KIRREL3: variants seen among roughly 807,000 people sequenced by gnomAD.
The protein encoded by KIRREL3 is kin of IRRE-like protein 3.
Under a neutral mutation model 89.7 loss-of-function variants are expected in KIRREL3, and 36 were observed. That is an observed-to-expected ratio of 0.40 (90% CI 0.31 to 0.53). The LOEUF (loss-of-function observed/expected upper bound fraction) is 0.53, where lower values mean the gene tolerates loss of function less well. Among genes scored for constraint, KIRREL3 ranks in the 20% least tolerant of loss-of-function variants. KIRREL3 has a pLI of 0.49. For synonymous variants in KIRREL3, 445 were observed against 441.4 expected, an observed-to-expected ratio of 1.01 and a Z score of -0.10; for missense variants, 864 against 1,056.6, an observed-to-expected ratio of 0.82 and a Z score of 2.53.
At chr11:126,671,868 T>G (rs927470910) in intron 1 of KIRREL3, among the ~76,000 whole-genome samples, 5 of 152,014 alleles carry the variant, frequency 3.3e-5, no homozygotes, top group African/African-American at 1.2e-4. Flanking sequence ...GTTTTGAGAG[T>G]TTCTTACCAT....
At position 126,750,315 on chromosome 11, in the gene KIRREL3, T is replaced by C. The variant is rs1470850890; in HGVS notation, c.56-187403A>G. On this transcript the variant is annotated intron_variant, in intron 1 of 16. Coordinates refer to ENST00000525144, the MANE Select transcript of KIRREL3 (RefSeq NM_032531.4). The surrounding 1 kb of genome is among the most constrained non-coding windows in gnomAD (Gnocchi z 4.2). The stretch of plus-strand genomic sequence containing the variant: ...TGAACACATTTCTGTTCCTTGAAGG[T>C]GGCATGAGGATGTTCTCAACTATGG... Among the ~76,000 whole-genome samples, 2 of 152,150 alleles carry C rather than the reference T, an allele frequency of 1.3e-5. No homozygotes were observed. The highest frequency in any genetic ancestry group is 6.5e-5 in the Admixed American group (1 of 15,270).
rs566202076 is a variant in KIRREL3, at chr11:126,657,678, C to T, written c.56-94766G>A. On this transcript the variant is annotated intron_variant, in intron 1 of 16. Coordinates refer to ENST00000525144, the MANE Select transcript of KIRREL3 (RefSeq NM_032531.4). ...TCCGTCCCCAGCCCAAAGAGGACTG[C>T]GCTAGCTTGGGAGGGAATGAGACTC... Among the ~76,000 whole-genome samples, 184 of 152,174 alleles carry T rather than the reference C, an allele frequency of 1.2e-3. 3 individuals carry two copies. In the South Asian group the frequency reaches 0.026, roughly 22 times the overall value.
At position 126,996,642 on chromosome 11, in the gene KIRREL3, C is replaced by T. The variant is rs1414595730; in HGVS notation, c.55+3813G>A. ...TCTATTCCCTAGGAGATTCAGATCA[C>T]CATGACCCTCTGCCCTCTGACAGCT... is the stretch of plus-strand genomic sequence containing the variant. On this transcript the variant is annotated intron_variant, in intron 1 of 16. Transcript: ENST00000525144. This position sits in a 1 kb window ranked among gnomAD's most constrained non-coding sequence, Gnocchi z 4.7. Among the ~76,000 whole-genome samples the T allele has an allele frequency of 1.3e-5, 2 of 152,152 alleles. No homozygotes were observed. The highest frequency in any genetic ancestry group is 2.9e-5 in the Non-Finnish European group (2 of 68,024).
intron 1 of KIRREL3, among the ~76,000 whole-genome samples, chr11:126,901,003 C>T (rs1227435237): frequency 6.6e-6 from 1 of 152,092 alleles, no homozygotes; most frequent in Admixed American, 6.5e-5. Flanking sequence ...ATCACGAGGT[C>T]AGGAGTTCGA....
chr11:126,717,577 C>T (rs1419323304), intron 1 of KIRREL3, among the ~76,000 whole-genome samples: 1 of 152,206 alleles, frequency 6.6e-6, no homozygotes, highest in African/African-American at 2.4e-5. Flanking sequence ...CACACCTTGT[C>T]CTCCATCCTC....
chr11:126,959,057 C>G (rs1045095668), intron 1 of KIRREL3, among the ~76,000 whole-genome samples: 5 of 152,080 alleles, frequency 3.3e-5, no homozygotes. Context: ...TCTCTCTCTC[C>G]CCTGAATAAG....
At position 126,782,821 on chromosome 11, in the gene KIRREL3, C is replaced by G. The variant is rs1950369316; in HGVS notation, c.55+217634G>C. On this transcript the variant is annotated intron_variant, in intron 1 of 16. Transcript: ENST00000525144. The surrounding 1 kb of genome is among the most constrained non-coding windows in gnomAD (Gnocchi z 4.1). ...AGGGCTAATATACACACAGATATTT[C>G]CCAGCTATATCTCCTGAGAAAGCCT... is the stretch of plus-strand genomic sequence containing the variant. Among the ~76,000 whole-genome samples, 1 of 152,142 alleles carries G rather than the reference C, an allele frequency of 6.6e-6. No homozygotes were observed. Among genetic ancestry groups the G allele is most frequent in the South Asian group, 2.1e-4 (1 of 4,812 alleles).
intron 1 of KIRREL3, among the ~76,000 whole-genome samples, chr11:126,823,932 AG>A (rs1361387490): frequency 3.3e-5 from 5 of 152,150 alleles, no homozygotes; most frequent in Non-Finnish European, 5.9e-5. Flanking sequence ...GTGAAGAGCC[AG>A]GGGGTATCTT....
At chr11:126,464,556 AAAG>A (rs895123528) in intron 5 of KIRREL3, among the ~76,000 whole-genome samples, 1 of 93,640 alleles carries the variant, frequency 1.1e-5, no homozygotes, top group Non-Finnish European at 2.2e-5. Flanking sequence ...AGAAAAAGAA[AAAG>A]AAGAAGGAGA....
Position 126,906,878 on chromosome 11 carries a change from G to A in KIRREL3, c.55+93577C>T, listed in dbSNP as rs1946610189. Among the ~76,000 whole-genome samples, 1 of 152,192 alleles carries A rather than the reference G, an allele frequency of 6.6e-6. No homozygotes were observed. Among genetic ancestry groups the A allele is most frequent in the Non-Finnish European group, 1.5e-5 (1 of 68,036 alleles). On this transcript the variant is annotated intron_variant, in intron 1 of 16. Coordinates refer to ENST00000525144, the MANE Select transcript of KIRREL3 (RefSeq NM_032531.4). This position sits in a 1 kb window ranked among gnomAD's most constrained non-coding sequence, Gnocchi z 4.1. ...AGGGAAGTCAGAGTGGCTTGGCTGAGCCCTACATTTTCTTTTTCTGTGTAA... is the reference window on the plus strand; with the variant it reads ...AGGGAAGTCAGAGTGGCTTGGCTGAACCCTACATTTTCTTTTTCTGTGTAA...
Position 126,473,398 on chromosome 11 carries a change from G to C in KIRREL3, c.502C>G (p.Leu168Val). 1 of 1,590,832 alleles carries C rather than the reference G, an allele frequency of 6.3e-7. No homozygotes were observed. Among genetic ancestry groups the C allele is most frequent in the Non-Finnish European group, 8.6e-7 (1 of 1,168,162 alleles). The change falls in exon 5 of 17, where the codon CTC becomes GTC. Residue 168 changes from leucine to valine, a missense_variant. By Grantham distance (32) the Leu-to-Val change is conservative. Coordinates refer to ENST00000525144, the MANE Select transcript of KIRREL3 (RefSeq NM_032531.4). ...ISLRAGDPLN[L>V]TCHADNAKPA... ...TTGGCATTGTCTGCGTGGCAGGTGA[G>C]GTTGAGAGGGTCCCCCGCACGCAGG...
At position 126,837,908 on chromosome 11, in the gene KIRREL3, T is replaced by C. The variant is rs1013092062; in HGVS notation, c.55+162547A>G. 6.6e-6 allele frequency among the ~76,000 whole-genome samples: 1 copy of C among 152,192 alleles called. No individual in the cohort carries two copies. The highest frequency in any genetic ancestry group is 1.5e-5 in the Non-Finnish European group (1 of 68,040). On this transcript the variant is annotated intron_variant, in intron 1 of 16. Coordinates refer to ENST00000525144, the MANE Select transcript of KIRREL3 (RefSeq NM_032531.4). This position sits in a 1 kb window ranked among gnomAD's most constrained non-coding sequence, Gnocchi z 4.7. Reference sequence around the variant, plus strand: ...CCCAAAGAACTGCCATTTACAGAAATAGGTCTAGGATATAATCTGTAGTTA... The same window carrying C: ...CCCAAAGAACTGCCATTTACAGAAACAGGTCTAGGATATAATCTGTAGTTA...
intron 1 of KIRREL3, among the ~76,000 whole-genome samples, chr11:126,654,211 G>A (rs887188275): frequency 6.6e-6 from 1 of 152,112 alleles, no homozygotes; most frequent in Non-Finnish European, 1.5e-5. Context: ...CCTCCACTGG[G>A]GACACTGATT....
chr11:126,522,301 G>A lies in KIRREL3; in HGVS notation c.284-837C>T, dbSNP rs1329370995. Reference sequence around the variant, plus strand: ...AGAAGACAGTCAGAGAGAGAAGGAAGGAAAAAGAGAAATGTTTGGAAAAGG... The same window carrying A: ...AGAAGACAGTCAGAGAGAGAAGGAAAGAAAAAGAGAAATGTTTGGAAAAGG... On this transcript the variant is annotated intron_variant, in intron 3 of 16. Coordinates refer to ENST00000525144, the MANE Select transcript of KIRREL3 (RefSeq NM_032531.4). The surrounding 1 kb of genome is among the most constrained non-coding windows in gnomAD (Gnocchi z 6.0). Among the ~76,000 whole-genome samples the A allele has an allele frequency of 6.6e-6, 1 of 151,802 alleles. No individual in the cohort carries two copies. Among genetic ancestry groups the A allele is most frequent in the Non-Finnish European group, 1.5e-5 (1 of 67,990 alleles).
chr11:126,603,914 G>A (rs543069452), intron 1 of KIRREL3, among the ~76,000 whole-genome samples: 5 of 152,192 alleles, frequency 3.3e-5, no homozygotes, highest in African/African-American at 9.6e-5. Context: ...CACTAGCCCC[G>A]AGGCTGGAGA....
intron 1 of KIRREL3, among the ~76,000 whole-genome samples, chr11:126,840,385 C>G (rs567239597): frequency 6.6e-6 from 1 of 152,302 alleles, no homozygotes; most frequent in East Asian, 1.9e-4. Flanking sequence ...CAGGCCACAT[C>G]TCCTTAGTCT....
At chr11:126,749,759 C>G (rs1393217282) in intron 1 of KIRREL3, among the ~76,000 whole-genome samples, 1 of 152,162 alleles carries the variant, frequency 6.6e-6, no homozygotes, top group African/African-American at 2.4e-5. Context: ...GTGAAAGTGA[C>G]TGCTGTGATC....
intron 1 of KIRREL3, among the ~76,000 whole-genome samples, chr11:126,958,650 T>C (rs1338687183): frequency 6.6e-6 from 1 of 152,250 alleles, no homozygotes; most frequent in Non-Finnish European, 1.5e-5. Flanking sequence ...CTTTCACACA[T>C]AGTTTTTCTG....
chr11:126,425,198 GGAA>G (rs1954894718), intron 16 of KIRREL3, among the ~76,000 whole-genome samples, 175 bp from the exon 17 acceptor site: 1 of 152,166 alleles, frequency 6.6e-6, no homozygotes, highest in East Asian at 1.9e-4. Flanking sequence ...AAGGTGCAGG[GGAA>G]GAAGGACACT....
Sources: allele counts gnomAD v4.1 joint callset (sites outside exome capture counted in the v4.1 genomes callset), GRCh38; gene constraint gnomAD v4.1.1; non-coding constraint Gnocchi (gnomAD v3.1); transcripts MANE v1.5; gene names NCBI Gene and HGNC (gene_info 2026-07-23, HGNC 2026-07-21).